Variants in SNRNP48 observed in about 807,000 individuals in gnomAD.
The protein encoded by SNRNP48 is small nuclear ribonucleoprotein U11/U12 subunit 48, also known as U11/U12 small nuclear ribonucleoprotein 48 kDa protein.
In SNRNP48, 43 loss-of-function variants were observed where a neutral mutation model predicts 47.0. The observed-to-expected ratio is 0.92, with a 90% CI of 0.72 to 1.18. The LOEUF (loss-of-function observed/expected upper bound fraction) is 1.18. Among genes scored for constraint, SNRNP48 ranks in the 50% most tolerant of loss-of-function variants. SNRNP48 has a pLI of 0.00. For synonymous variants in SNRNP48, 138 were observed against 144.0 expected, an observed-to-expected ratio of 0.96 and a Z score of 0.30; for missense variants, 396 against 422.2, an observed-to-expected ratio of 0.94 and a Z score of 0.54.
chr6:7,596,418 A>AACTTACCTT (rs2113715975), intron 4 of SNRNP48, among the ~76,000 whole-genome samples: 2 of 152,292 alleles, frequency 1.3e-5, no homozygotes, highest in South Asian at 4.1e-4. Flanking sequence ...TTCTCTGGAC[A>AACTTACCTT]ACTTACCTTT....
chr6:7,608,734 A>AAAGTGGTGTATTACTGTTGG, intron 8 of SNRNP48, 91 bp from the exon 9 acceptor site: 1 of 607,214 alleles, frequency 1.6e-6, no homozygotes, highest in Non-Finnish European at 2.6e-6. Flanking sequence ...ATTACTGTTG[A>AAAGTGGTGTATTACTGTTGG]AAGTGGTGTA....
intron 4 of SNRNP48, among the ~76,000 whole-genome samples, chr6:7,599,075 G>T (rs1240200898): frequency 6.6e-6 from 1 of 152,146 alleles, no homozygotes; most frequent in Non-Finnish European, 1.5e-5. Flanking sequence ...GATCCAGTCT[G>T]TTCCTATCAC....
chr6:7,596,997 A>G (rs1211200803), intron 4 of SNRNP48, among the ~76,000 whole-genome samples: 3 of 152,278 alleles, frequency 2.0e-5, no homozygotes. Context: ...TGATAGAGAC[A>G]TGATAAAGTT....
intron 8 of SNRNP48, among the ~76,000 whole-genome samples, chr6:7,607,420 C>T (rs1045228717): frequency 4.6e-5 from 7 of 152,194 alleles, no homozygotes; most frequent in South Asian, 2.1e-4. Flanking sequence ...TTTGCTACTA[C>T]GCCATGAAAT....
In SNRNP48 at chr6:7,593,805, A is replaced by G. The variant is rs199899360; in HGVS notation, c.228A>G (p.Ala76=). The change falls in exon 2 of 9, where the codon GCA becomes GCG. Residue 76 remains alanine (A), a synonymous_variant. Coordinates refer to ENST00000342415, the MANE Select transcript of SNRNP48 (RefSeq NM_152551.4). ...MPKSSLAKHM[A]SCRLRKMGYT... is the part of the protein sequence containing the mutation. Reference sequence around the variant, plus strand: ...AATCATCTTTGGCAAAGCACATGGCATCTTGTAGATTGAGGAAAATGGGCT... The same window carrying G: ...AATCATCTTTGGCAAAGCACATGGCGTCTTGTAGATTGAGGAAAATGGGCT... 3.1e-6 allele frequency: 5 copies of G among 1,598,736 alleles called. No individual in the cohort carries two copies. The highest frequency in any genetic ancestry group is 1.3e-5 in the African/African-American group (1 of 74,606).
chr6:7,603,768 C>G (rs1760074881), intron 6 of SNRNP48, among the ~76,000 whole-genome samples: 1 of 152,300 alleles, frequency 6.6e-6, no homozygotes, highest in East Asian at 1.9e-4. Context: ...TTAGACTTAA[C>G]TTAGCAAGTA....
chr6:7,601,864 G>GT (rs1452379595), intron 5 of SNRNP48, among the ~76,000 whole-genome samples: 3 of 151,382 alleles, frequency 2.0e-5, no homozygotes, highest in Non-Finnish European at 4.4e-5. Context: ...TTTTTGTTTT[G>GT]TTTTTTTGAG....
intron 8 of SNRNP48, 43 bp from the exon 9 acceptor site, chr6:7,608,782 G>A (rs374287470): frequency 2.5e-4 from 289 of 1,159,530 alleles, no homozygotes; most frequent in Non-Finnish European, 3.4e-4. Context: ...ATATTAAAAT[G>A]TCCATCATTT....
chr6:7,590,422 C>G lies in SNRNP48; in HGVS notation c.156+9C>G, dbSNP rs1759794666. 4 of 1,283,480 alleles carry G rather than the reference C, an allele frequency of 3.1e-6. 1 individual carries two copies. The South Asian group carries it at 1.2e-4, about 37-fold the overall frequency. The allele number at this position is 1,283,480 out of a possible 1,614,324, so 79.5% of individuals were successfully genotyped here. A position where few individuals can be genotyped will look rare whatever the true frequency, so the allele number is the denominator to read the frequency against. ...AAGAGGAGGCGGCGGAGGTGAGGAG[C>G]GCGGCCGCGGGGCCCTTTCGGGGAC... On this transcript the variant is annotated intron_variant, in intron 1 of 8. Transcript: ENST00000342415.
intron 1 of SNRNP48, among the ~76,000 whole-genome samples, chr6:7,593,482 CAG>C (rs1016505710): frequency 1.5e-4 from 23 of 152,122 alleles, no homozygotes; most frequent in African/African-American, 5.6e-4. Context: ...GTTGTTTAGA[CAG>C]TGAGTGTAAA....
At position 7,609,520 on chromosome 6, in the gene SNRNP48, T is replaced by C. The variant is rs1055222870; in HGVS notation, c.*647T>C. ...TATATATATGTACAAAACAATACTA[T>C]GCATTCTCTATGGCTATATAATGTA... On this transcript the variant is annotated 3_prime_UTR_variant, in exon 9 of 9. Transcript: ENST00000342415. 2 of 152,320 alleles carry C rather than the reference T, an allele frequency of 1.3e-5. No homozygotes were observed. Among genetic ancestry groups the C allele is most frequent in the Admixed American group, 1.3e-4 (2 of 15,294 alleles). 9.4% of individuals were successfully genotyped at this position (152,320 alleles called of 1,614,324 possible).
intron 7 of SNRNP48, 34 bp downstream of exon 7, chr6:7,605,520 CTCTT>C (rs1561715444): frequency 2.4e-5 from 38 of 1,560,224 alleles, no homozygotes; most frequent in Non-Finnish European, 3.4e-5. Flanking sequence ...AAAATACTCT[CTCTT>C]TGATAACAGA....
chr6:7,602,629 G>T lies in SNRNP48; in HGVS notation c.602G>T (p.Ser201Ile). The stretch of plus-strand genomic sequence containing the variant: ...TATTTTATTCTTTCATTAGACAATA[G>T]TCGAAAAAGTCCAAAATCCTACCTT... ...DLAAKINQDN[S>I]RKSPKSYLEI... Residue 201 changes from serine to isoleucine, a missense_variant, in exon 6 of 9, where the codon AGT becomes ATT. Coordinates refer to ENST00000342415, the MANE Select transcript of SNRNP48 (RefSeq NM_152551.4). 6.3e-7 allele frequency: 1 copy of T among 1,588,262 alleles called. No individual in the cohort carries two copies. Among genetic ancestry groups the T allele is most frequent in the Non-Finnish European group, 8.5e-7 (1 of 1,170,056 alleles).
In SNRNP48 at chr6:7,611,601, C is replaced by T. The variant is rs959605647; in HGVS notation, c.*2728C>T. The T allele has an allele frequency of 1.3e-5, 2 of 152,134 alleles. No individual in the cohort carries two copies. The highest frequency in any genetic ancestry group is 2.4e-5 in the African/African-American group (1 of 41,410). 9.4% of individuals were successfully genotyped at this position (152,134 alleles called of 1,614,324 possible). ...ATGATCTTCAAGTATTTGCCACTTT[C>T]GAGTACAGCTAATTGGATAATCTCA... On this transcript the variant is annotated 3_prime_UTR_variant, in exon 9 of 9. Transcript: ENST00000342415.
intron 8 of SNRNP48, among the ~76,000 whole-genome samples, chr6:7,607,025 C>G (rs1760140736): frequency 6.6e-6 from 1 of 152,212 alleles, no homozygotes; most frequent in African/African-American, 2.4e-5. Flanking sequence ...CCTCATAGAA[C>G]TCTTCCGTGG....
Position 7,608,999 on chromosome 6 carries a change from A to G in SNRNP48, c.*126A>G. On this transcript the variant is annotated 3_prime_UTR_variant, in exon 9 of 9. Transcript: ENST00000342415. ...CTGTTTAGTGCTTATTATTTTTTTT[A>G]TGATCTGTTTAGTGCTTATTATTTT... is the stretch of plus-strand genomic sequence containing the variant. 4.3e-6 allele frequency: 2 copies of G among 463,162 alleles called. No individual in the cohort carries two copies. The highest frequency in any genetic ancestry group is 7.4e-6 in the Non-Finnish European group (2 of 271,272). The allele number at this position is 463,162 out of a possible 1,614,324, so 28.7% of individuals were successfully genotyped here.
At chr6:7,598,698 G>A (rs1561712947) in intron 4 of SNRNP48, among the ~76,000 whole-genome samples, 1 of 151,890 alleles carries the variant, frequency 6.6e-6, no homozygotes, top group Admixed American at 6.6e-5. Context: ...CATCTAATTC[G>A]TATTTTGTTT....
chr6:7,599,335 T>C (rs1473877963), intron 4 of SNRNP48, among the ~76,000 whole-genome samples: 2 of 152,158 alleles, frequency 1.3e-5, no homozygotes, highest in Admixed American at 6.5e-5. Context: ...GACGAAAAAG[T>C]TCTAGAGATG....
At position 7,610,394 on chromosome 6, in the gene SNRNP48, A is replaced by G. The variant is rs1760212722; in HGVS notation, c.*1521A>G. Reference sequence around the variant, plus strand: ...CTGCCATTGTACTTAATTTCTAAATATATAAAATCCACATTTAAAAATTAT... The same window carrying G: ...CTGCCATTGTACTTAATTTCTAAATGTATAAAATCCACATTTAAAAATTAT... On this transcript the variant is annotated 3_prime_UTR_variant, in exon 9 of 9. Coordinates refer to ENST00000342415, the MANE Select transcript of SNRNP48 (RefSeq NM_152551.4). The G allele has an allele frequency of 1.3e-5, 2 of 152,236 alleles. No homozygotes were observed. The highest frequency in any genetic ancestry group is 6.5e-5 in the Admixed American group (1 of 15,288). The allele number at this position is 152,236 out of a possible 1,614,324, so 9.4% of individuals were successfully genotyped here.
Sources: allele counts gnomAD v4.1 joint callset (sites outside exome capture counted in the v4.1 genomes callset), GRCh38; gene constraint gnomAD v4.1.1; transcripts MANE v1.5; gene names NCBI Gene and HGNC (gene_info 2026-07-23, HGNC 2026-07-21).